GRID1: variants seen among roughly 807,000 people sequenced by gnomAD.
The protein encoded by GRID1 is glutamate ionotropic receptor delta type subunit 1, also known as glutamate receptor ionotropic, delta-1.
Under a neutral mutation model 98.0 loss-of-function variants are expected in GRID1, and 28 were observed. The observed-to-expected ratio is 0.29, with a 90% CI of 0.21 to 0.39. The LOEUF is 0.39. Among genes scored for constraint, GRID1 ranks in the 10% least tolerant of loss-of-function variants. GRID1 has a pLI of 1.00. For synonymous variants in GRID1, 553 were observed against 538.5 expected (o/e 1.03, Z -0.37); for missense variants, 1,111 against 1,340.5 (o/e 0.83, Z 2.67).
chr10:86,345,265 A>G (rs1215596853), intron 2 of GRID1, among the ~76,000 whole-genome samples: 1 of 152,226 alleles, frequency 6.6e-6, no homozygotes, highest in African/African-American at 2.4e-5. Flanking sequence ...TCTCAACAGT[A>G]TATGTAATAA....
chr10:85,735,176 G>A (rs1394329211), intron 8 of GRID1, among the ~76,000 whole-genome samples: 1 of 152,136 alleles, frequency 6.6e-6, no homozygotes, highest in Non-Finnish European at 1.5e-5. Flanking sequence ...TTACAGGATC[G>A]ATGAATTTAT....
intron 4 of GRID1, among the ~76,000 whole-genome samples, chr10:86,069,183 C>T (rs1035841707): frequency 6.6e-6 from 1 of 152,112 alleles, no homozygotes; most frequent in African/African-American, 2.4e-5. Context: ...GGGCTCTGCT[C>T]ACCTGGGCCA....
intron 2 of GRID1, among the ~76,000 whole-genome samples, chr10:86,257,942 A>G (rs953430760): frequency 2.6e-5 from 4 of 152,218 alleles, no homozygotes; most frequent in Non-Finnish European, 4.4e-5. Context: ...CCTCAGCAGC[A>G]CCAACAGCAA....
At position 86,195,590 on chromosome 10, in the gene GRID1, G is replaced by T. The variant is rs1029786361; in HGVS notation, c.520+10774C>A. Among the ~76,000 whole-genome samples the T allele has an allele frequency of 3.3e-5, 5 of 152,166 alleles. No homozygotes were observed. Among genetic ancestry groups the T allele is most frequent in the African/African-American group, 1.2e-4 (5 of 41,450 alleles). ...ACCAAAAATCAGAGGCAGCGTGCCA[G>T]GTTCATGTGCAGCCTCCTACCCTGG... On this transcript the variant is annotated intron_variant, in intron 3 of 15. Transcript: ENST00000327946. The surrounding 1 kb of genome is among the most constrained non-coding windows in gnomAD (Gnocchi z 4.4).
At chr10:86,151,916 C>G (rs886769883) in intron 3 of GRID1, among the ~76,000 whole-genome samples, 1 of 152,250 alleles carries the variant, frequency 6.6e-6, no homozygotes, top group Non-Finnish European at 1.5e-5. Context: ...CTTACCCACT[C>G]AGGCTTGCTC....
intron 2 of GRID1, among the ~76,000 whole-genome samples, chr10:86,287,036 C>T (rs888798434): frequency 3.3e-5 from 5 of 152,136 alleles, no homozygotes; most frequent in Admixed American, 6.5e-5. Context: ...CAGGCAGTTC[C>T]GTAGGGACTT....
chr10:86,023,323 C>A (rs969609858), intron 4 of GRID1, among the ~76,000 whole-genome samples: 2 of 152,176 alleles, frequency 1.3e-5, no homozygotes, highest in Admixed American at 6.5e-5. Flanking sequence ...ATATGGCCTG[C>A]GGGCTCACTG....
intron 4 of GRID1, among the ~76,000 whole-genome samples, chr10:86,071,035 G>A (rs1474964568): frequency 6.6e-6 from 1 of 152,172 alleles, no homozygotes; most frequent in Non-Finnish European, 1.5e-5. Flanking sequence ...GTGGCCTCTG[G>A]GTGTGCAACC....
rs533866288 is a variant in GRID1 at position 85,752,285 on chromosome 10, T to C, written c.1234-22671A>G. On this transcript the variant is annotated intron_variant, in intron 8 of 15. Transcript: ENST00000327946. ...GAAATGATGACTTGCACTCACAAGG[T>C]AAAATTTGAGACATGACTGACTACC... Among the ~76,000 whole-genome samples, 10 of 152,238 alleles carry C rather than the reference T, an allele frequency of 6.6e-5. No individual in the cohort carries two copies. In the East Asian group the frequency reaches 1.9e-3, roughly 29 times the overall value.
intron 3 of GRID1, among the ~76,000 whole-genome samples, chr10:86,159,447 A>G (rs1845289209): frequency 6.6e-6 from 1 of 152,210 alleles, no homozygotes; most frequent in African/African-American, 2.4e-5. Context: ...ACAGCTGCCT[A>G]CAGTATTCAG....
At chr10:85,619,816 T>A in intron 14 of GRID1, 51 bp downstream of exon 14, 2 of 1,437,012 alleles carry the variant, frequency 1.4e-6, no homozygotes, top group Non-Finnish European at 9.8e-7. Context: ...CTCCTACCCT[T>A]GACCACTAGA....
intron 2 of GRID1, among the ~76,000 whole-genome samples, chr10:86,225,202 G>A (rs1224272044): frequency 1.3e-5 from 2 of 152,164 alleles, no homozygotes; most frequent in Non-Finnish European, 2.9e-5. Context: ...CCGGTGGGGA[G>A]CTGAATAGCT....
At chr10:85,972,963 T>C (rs1439344063) in intron 4 of GRID1, among the ~76,000 whole-genome samples, 1 of 152,230 alleles carries the variant, frequency 6.6e-6, no homozygotes, top group Non-Finnish European at 1.5e-5. Context: ...GGATTTCATT[T>C]TATTTTGAAA....
At chr10:86,168,156 T>C (rs189780008) in intron 3 of GRID1, among the ~76,000 whole-genome samples, 2 of 152,148 alleles carry the variant, frequency 1.3e-5, no homozygotes, top group Non-Finnish European at 2.9e-5. Flanking sequence ...TGGACCTCCA[T>C]TCCCTGCCTG....
At chr10:86,355,130 G>C (rs1589460562) in intron 2 of GRID1, among the ~76,000 whole-genome samples, 2 of 152,236 alleles carry the variant, frequency 1.3e-5, no homozygotes, top group African/African-American at 4.8e-5. Flanking sequence ...GGCTATTCTA[G>C]TGCATTTCCT....
At chr10:86,122,588 C>G (rs12253867) in intron 4 of GRID1, among the ~76,000 whole-genome samples, 7,098 of 152,314 alleles carry the variant, frequency 0.047, 552 homozygotes, top group African/African-American at 0.16. Flanking sequence ...TATACAACTT[C>G]CCTTTACCTA....
chr10:86,341,231 T>C (rs138401341), intron 2 of GRID1, among the ~76,000 whole-genome samples: 393 of 152,122 alleles, frequency 2.6e-3, no homozygotes, highest in Admixed American at 3.4e-3. Flanking sequence ...CTTAGTCCCC[T>C]AAAACACAAA....
intron 9 of GRID1, among the ~76,000 whole-genome samples, chr10:85,728,993 T>G (rs891564983): frequency 6.6e-6 from 1 of 152,200 alleles, no homozygotes; most frequent in East Asian, 1.9e-4. Context: ...AAGATGCTTT[T>G]AAAGTCTCTT....
chr10:86,134,702 C>T (rs140784922), intron 4 of GRID1, among the ~76,000 whole-genome samples: 3 of 152,288 alleles, frequency 2.0e-5, no homozygotes, highest in African/African-American at 4.8e-5. Flanking sequence ...TAGGGATCCC[C>T]TGACCCCTCT....
Sources: allele counts gnomAD v4.1 joint callset (sites outside exome capture counted in the v4.1 genomes callset), GRCh38; gene constraint gnomAD v4.1.1; non-coding constraint Gnocchi (gnomAD v3.1); transcripts MANE v1.5; gene names NCBI Gene and HGNC (gene_info 2026-07-23, HGNC 2026-07-21).